The following EFL1 variants were observed in gnomAD, a reference collection of about 807,000 sequenced individuals.
The protein encoded by EFL1 is elongation factor-like GTPase 1.
Under a neutral mutation model 126.7 loss-of-function variants are expected in EFL1, and 76 were observed. The ratio of observed to expected loss-of-function variants is 0.60; its 90% CI spans 0.50 to 0.73. EFL1 has a LOEUF of 0.73. Ranked by LOEUF, EFL1 falls within the 30% of genes least tolerant of loss-of-function variation. EFL1 has a pLI of 0.00. For synonymous variants in EFL1, 410 were observed against 448.4 expected, an observed-to-expected ratio of 0.91 and a Z score of 1.08; for missense variants, 1,128 against 1,343.2, an observed-to-expected ratio of 0.84 and a Z score of 2.50.
rs191367633 is a variant in EFL1, at chr15:82,208,299, C to T, written c.1750+6418G>A. 9.9e-4 allele frequency among the ~76,000 whole-genome samples: 150 copies of T among 152,240 alleles called. 1 individual carries two copies. The highest frequency in any genetic ancestry group is 3.5e-3 in the African/African-American group (146 of 41,538). On this transcript the variant is annotated intron_variant, in intron 15 of 19. Coordinates refer to ENST00000268206, the MANE Select transcript of EFL1 (RefSeq NM_024580.6). ...ACTTTTGAAGAAAAGGTAATTCTTA[C>T]GTCATATACACATTTCTCAAGAGCA...
intron 18 of EFL1, among the ~76,000 whole-genome samples, chr15:82,146,960 A>C (rs1011295751): frequency 3.3e-5 from 5 of 152,228 alleles, no homozygotes; most frequent in Admixed American, 2.6e-4. Context: ...GCCAGGATAA[A>C]AATATAAGGA....
chr15:82,226,812 G>C lies in EFL1; in HGVS notation c.1192+638C>G, dbSNP rs79330469. Among the ~76,000 whole-genome samples, 1,206 of 152,246 alleles carry C rather than the reference G, an allele frequency of 7.9e-3. 17 individuals carry two copies. Among genetic ancestry groups the C allele is most frequent in the African/African-American group, 0.027 (1,101 of 41,532 alleles). ...GATCAAAGACTTGAACCTTGCTTGAGGCACCCCAAAGTTAAAAAGCCAGGG... is the reference window on the plus strand; with the variant it reads ...GATCAAAGACTTGAACCTTGCTTGACGCACCCCAAAGTTAAAAAGCCAGGG... On this transcript the variant is annotated intron_variant, in intron 11 of 19. Transcript: ENST00000268206.
chr15:82,148,285 G>C (rs755651416), intron 18 of EFL1, among the ~76,000 whole-genome samples: 3 of 151,730 alleles, frequency 2.0e-5, no homozygotes, highest in Non-Finnish European at 2.9e-5. Context: ...GGCTGAGGTG[G>C]GAGAATTGCT....
chr15:82,158,728 G>T (rs1275698547), intron 16 of EFL1, among the ~76,000 whole-genome samples: 3 of 152,158 alleles, frequency 2.0e-5, no homozygotes, highest in African/African-American at 7.2e-5. Flanking sequence ...TATAAAAGTC[G>T]ATTAACTGGG....
intron 17 of EFL1, among the ~76,000 whole-genome samples, chr15:82,156,673 T>C (rs953920271): frequency 6.8e-6 from 1 of 147,514 alleles, no homozygotes; most frequent in Admixed American, 6.7e-5. Context: ...AAGATTGAGA[T>C]AAATAGTGCT....
chr15:82,189,432 A>T (rs189719742), intron 15 of EFL1, among the ~76,000 whole-genome samples: 9 of 152,342 alleles, frequency 5.9e-5, no homozygotes, highest in Admixed American at 3.9e-4. Flanking sequence ...TTCATGAATC[A>T]CATGTTTTTT....
intron 15 of EFL1, among the ~76,000 whole-genome samples, chr15:82,200,643 A>T (rs1311038558): frequency 6.6e-6 from 1 of 152,230 alleles, no homozygotes; most frequent in African/African-American, 2.4e-5. Context: ...AGGAAGAACC[A>T]GTTAGTTTCA....
At chr15:82,252,142 C>G (rs575689511) in intron 4 of EFL1, among the ~76,000 whole-genome samples, 1 of 152,282 alleles carries the variant, frequency 6.6e-6, no homozygotes, top group Non-Finnish European at 1.5e-5. Flanking sequence ...TTGGATATAT[C>G]AGTTTATTGA....
chr15:82,238,557 G>A (rs1188205407), intron 6 of EFL1, 36 bp from the exon 7 acceptor site: 4 of 1,524,406 alleles, frequency 2.6e-6, no homozygotes, highest in Admixed American at 3.6e-5. Flanking sequence ...GCGTCATTCA[G>A]ATGCTCAGCA....
At chr15:82,130,993 C>T (rs941318398) in intron 19 of EFL1, among the ~76,000 whole-genome samples, 10 of 150,916 alleles carry the variant, frequency 6.6e-5, no homozygotes, top group African/African-American at 1.5e-4. Flanking sequence ...CCAGCCTGGG[C>T]GACAGAGTGA....
Position 82,204,434 on chromosome 15 carries a change from C to T in EFL1, c.1750+10283G>A, listed in dbSNP as rs115927638. Among the ~76,000 whole-genome samples the T allele has an allele frequency of 8.2e-3, 1,249 of 152,092 alleles. 18 individuals carry two copies. Among genetic ancestry groups the T allele is most frequent in the African/African-American group, 0.028 (1,145 of 41,478 alleles). ...CAATTTACCCCTGTCTTACAACTTG[C>T]ACTCCAATCAGACTATATCAATTTA... On this transcript the variant is annotated intron_variant, in intron 15 of 19. Transcript: ENST00000268206.
rs114006250 is a variant in EFL1, at chr15:82,262,036, A to G, written c.-19-239T>C. 1.2e-3 allele frequency: 446 copies of G among 381,706 alleles called. 4 individuals are homozygous for G. The highest frequency in any genetic ancestry group is 8.1e-3 in the African/African-American group (399 of 49,006). 23.6% of individuals were successfully genotyped at this position (381,706 alleles called of 1,614,324 possible). A position where few individuals can be genotyped will look rare whatever the true frequency, so the allele number is the denominator to read the frequency against. On this transcript the variant is annotated intron_variant, in intron 1 of 19. Coordinates refer to ENST00000268206, the MANE Select transcript of EFL1 (RefSeq NM_024580.6). ...CATCCTTCCGGATCCAAAGGCTGCG[A>G]TGAATCACGCAGCTCGAGGGGACTG...
chr15:82,180,359 C>CAAAAAAAAAAAAAAAAAAAA (rs71156028), intron 15 of EFL1, among the ~76,000 whole-genome samples: 1 of 120,608 alleles, frequency 8.3e-6, no homozygotes, highest in Non-Finnish European at 1.7e-5. Context: ...ATTAAACTGG[C>CAAAAAAAAAAAAAAAAAAAA]AAAAAAAAAA....
chr15:82,228,265 G>A lies in EFL1; in HGVS notation c.995C>T (p.Ala332Val). ...CTGAACTTTAGGGTCTGAATGTCGT[G>A]CCTCCCGGGCTCCAATTTTTAATCC... ...SLGLKIGARE[A>V]RHSDPKVQIN... The change falls in exon 10 of 20, where the codon GCA becomes GTA. Residue 332 changes from alanine to valine, a missense_variant. Around this residue, in one of 6 missense-constraint regions of EFL1, gnomAD observed 316 missense variants for 318.5 expected, o/e 0.99. Transcript: ENST00000268206. The A allele has an allele frequency of 3.7e-6, 6 of 1,614,072 alleles. No individual in the cohort carries two copies. The South Asian group carries it at 5.5e-5, about 15-fold the overall frequency.
In EFL1 at chr15:82,154,471, A is replaced by G. The variant is rs530161859; in HGVS notation, c.2031-2048T>C. 4.6e-5 allele frequency among the ~76,000 whole-genome samples: 7 copies of G among 152,368 alleles called. No individual in the cohort carries two copies. The South Asian group carries it at 1.5e-3, about 32-fold the overall frequency. ...GTCCTATGAGAACTAAACAAATTCT[A>G]TAACATTATACACATTCTTAATGTA... On this transcript the variant is annotated intron_variant, in intron 17 of 19. Transcript: ENST00000268206.
intron 15 of EFL1, among the ~76,000 whole-genome samples, chr15:82,180,365 A>AC (rs1350954906): frequency 2.8e-5 from 3 of 106,744 alleles, no homozygotes; most frequent in Admixed American, 8.7e-5. Flanking sequence ...CTGGCAAAAA[A>AC]AAAAAAACAA....
In EFL1 at chr15:82,215,193, T is replaced by G. The variant is rs187293849; in HGVS notation, c.1612-338A>C. On this transcript the variant is annotated intron_variant, in intron 14 of 19. Coordinates refer to ENST00000268206, the MANE Select transcript of EFL1 (RefSeq NM_024580.6). ...TATGTGAACCACATCATACACCAGTTCTGGTGACTACTGTGCTATCATTTG... is the reference window on the plus strand; with the variant it reads ...TATGTGAACCACATCATACACCAGTGCTGGTGACTACTGTGCTATCATTTG... Among the ~76,000 whole-genome samples, 22 of 152,338 alleles carry G rather than the reference T, an allele frequency of 1.4e-4. No individual in the cohort carries two copies. The East Asian group carries it at 4.2e-3, about 29-fold the overall frequency.
intron 18 of EFL1, among the ~76,000 whole-genome samples, chr15:82,150,248 A>T (rs2073892887): frequency 6.6e-6 from 1 of 152,158 alleles, no homozygotes; most frequent in African/African-American, 2.4e-5. Context: ...TCTTTTGGGA[A>T]AAAAAACAAA....
chr15:82,211,137 C>A (rs67988426), intron 15 of EFL1, among the ~76,000 whole-genome samples: 13,255 of 151,858 alleles, frequency 0.087, 735 homozygotes, highest in East Asian at 0.19. Flanking sequence ...TCTCAGTCAA[C>A]TCACCCTAGA....
Sources: allele counts gnomAD v4.1 joint callset (sites outside exome capture counted in the v4.1 genomes callset), GRCh38; gene constraint gnomAD v4.1.1; regional missense constraint gnomAD v4.1.1; transcripts MANE v1.5; gene names NCBI Gene and HGNC (gene_info 2026-07-23, HGNC 2026-07-21).